PPP2R5C: variants seen among roughly 807,000 people sequenced by gnomAD.
PPP2R5C encodes the protein protein phosphatase 2 regulatory subunit B'gamma, also known as serine/threonine-protein phosphatase 2A 56 kDa regulatory subunit gamma isoform.
A neutral mutation model predicts 68.9 loss-of-function variants in PPP2R5C; 7 were observed. The ratio of observed to expected loss-of-function variants is 0.10; its 90% CI spans 0.06 to 0.19. PPP2R5C has a LOEUF of 0.19. Among genes scored for constraint, PPP2R5C ranks in the 10% least tolerant of loss-of-function variants. The pLI, the probability that PPP2R5C is intolerant of heterozygous loss-of-function variation, is 1.00. For synonymous variants in PPP2R5C, 210 were observed against 222.2 expected (o/e 0.95, Z 0.49); for missense variants, 348 against 641.3 (o/e 0.54, Z 4.94).
chr14:101,826,926 A>G (rs762790452), intron 1 of PPP2R5C, among the ~76,000 whole-genome samples: 1 of 140,158 alleles, frequency 7.1e-6, no homozygotes, highest in Non-Finnish European at 1.6e-5. Flanking sequence ...TGAATTTAGT[A>G]TTCTGTTTCA....
rs1471997241 is a variant in PPP2R5C at position 101,917,677 on chromosome 14, A to C, written c.1327-154A>C. On this transcript the variant is annotated intron_variant, in intron 12 of 13. Coordinates refer to ENST00000334743, the Ensembl canonical transcript of PPP2R5C. This position sits in a 1 kb window ranked among gnomAD's most constrained non-coding sequence, Gnocchi z 4.4. ...GGTTTCAGAAGTCAGCAGCCGCATC[A>C]TGTTGCAGGTGTAGGCGAGTCTCCC... The C allele has an allele frequency of 3.2e-6, 3 of 927,078 alleles. No individual in the cohort carries two copies. In the East Asian group the frequency reaches 7.5e-5, roughly 23 times the overall value. The allele number at this position is 927,078 out of a possible 1,614,324, so 57.4% of individuals were successfully genotyped here. A position where few individuals can be genotyped will look rare whatever the true frequency, so the allele number is the denominator to read the frequency against.
intron 2 of PPP2R5C, among the ~76,000 whole-genome samples, chr14:101,773,357 C>T (rs2037252982): frequency 6.6e-6 from 1 of 152,126 alleles, no homozygotes; most frequent in Non-Finnish European, 1.5e-5. Context: ...CTGGCAGCCC[C>T]TCTGCTGGAG....
At chr14:101,896,023 TTA>T (rs1467813166) in intron 8 of PPP2R5C, among the ~76,000 whole-genome samples, 1 of 152,104 alleles carries the variant, frequency 6.6e-6, no homozygotes, top group Non-Finnish European at 1.5e-5. Context: ...TTATTTTATT[TTA>T]TCTTATTTTT....
chr14:101,883,167 C>A, intron 3 of PPP2R5C, 90 bp from the exon 6 acceptor site: 1 of 883,116 alleles, frequency 1.1e-6, no homozygotes, highest in Non-Finnish European at 1.7e-6. Flanking sequence ...CTAATATTTG[C>A]ATACCAATAA....
intron 11 of PPP2R5C, 138 bp downstream of exon 13, chr14:101,909,828 T>G: frequency 2.0e-6 from 1 of 490,856 alleles, no homozygotes; most frequent in Non-Finnish European, 3.5e-6. Flanking sequence ...GAAAGCAAAT[T>G]AAAACTGTGT....
chr14:101,925,122 A>T lies in PPP2R5C; in HGVS notation c.1444-19A>T, dbSNP rs147467018. The T allele has an allele frequency of 1.5e-5, 24 of 1,613,364 alleles. No homozygotes were observed. The highest frequency in any genetic ancestry group is 1.9e-5 in the Non-Finnish European group (22 of 1,179,610). The stretch of plus-strand genomic sequence containing the variant: ...GATAGCTTAGTTTGTAGCCAACGCC[A>T]TTGCATTTCTAATTCCAGGCACAGA... On this transcript the variant is annotated intron_variant, in intron 13 of 13. Coordinates refer to ENST00000334743, the Ensembl canonical transcript of PPP2R5C.
At position 101,831,890 on chromosome 14, in the gene PPP2R5C, G is replaced by C. The variant is rs942600557; in HGVS notation, c.94+21854G>C. 3.7e-5 allele frequency: 22 copies of C among 600,974 alleles called. 1 individual carries two copies. In the South Asian group the frequency reaches 4.2e-4, roughly 11 times the overall value. 37.2% of individuals were successfully genotyped at this position (600,974 alleles called of 1,614,324 possible). A position where few individuals can be genotyped will look rare whatever the true frequency, so the allele number is the denominator to read the frequency against. ...TTGGCTTTAAAGTTGAGTTTAACTT[G>C]TCCAAAGACATTGTTATTTAAGCAG... On this transcript the variant is annotated intron_variant, in intron 1 of 13. Transcript: ENST00000334743.
At chr14:101,819,048 G>C in intron 1 of PPP2R5C, 2 of 1,551,588 alleles carry the variant, frequency 1.3e-6, no homozygotes, top group Non-Finnish European at 1.7e-6. Flanking sequence ...TTCTTCCTGA[G>C]TTGCTGGTTC....
chr14:101,788,806 A>G (rs995160203), intron 3 of PPP2R5C, among the ~76,000 whole-genome samples: 12 of 152,344 alleles, frequency 7.9e-5, no homozygotes, highest in African/African-American at 2.9e-4. Flanking sequence ...AATTAAAGTT[A>G]TATATTAATT....
At position 101,916,200 on chromosome 14, in the gene PPP2R5C, G is replaced by A. The variant is rs1027348727; in HGVS notation, c.1327-1631G>A. Among the ~76,000 whole-genome samples, 8 of 152,240 alleles carry A rather than the reference G, an allele frequency of 5.3e-5. No homozygotes were observed. Among genetic ancestry groups the A allele is most frequent in the Non-Finnish European group, 1.0e-4 (7 of 68,044 alleles). ...GGAGTGCTGGGGCTGTCGGGGTAGG[G>A]TGTGGAGATGTGTGGAGATCGTGGT... is the stretch of plus-strand genomic sequence containing the variant. On this transcript the variant is annotated intron_variant, in intron 12 of 13. Coordinates refer to ENST00000334743, the Ensembl canonical transcript of PPP2R5C. This position sits in a 1 kb window ranked among gnomAD's most constrained non-coding sequence, Gnocchi z 5.5.
chr14:101,889,531 T>C (rs2044725417), intron 5 of PPP2R5C, among the ~76,000 whole-genome samples: 1 of 152,206 alleles, frequency 6.6e-6, no homozygotes, highest in Admixed American at 6.5e-5. Flanking sequence ...TCCTTGGCCC[T>C]GTCTTTGCAG....
At position 101,891,591 on chromosome 14, in the gene PPP2R5C, G is replaced by A. The variant is rs111351723; in HGVS notation, c.689+1295G>A. ...CATGTGTTCCACAGCCCGCCATGCC[G>A]TGTGCGTAGGGCCCCCGTGTGCATA... On this transcript the variant is annotated intron_variant, in intron 6 of 13. Coordinates refer to ENST00000334743, the Ensembl canonical transcript of PPP2R5C. This position sits in a 1 kb window ranked among gnomAD's most constrained non-coding sequence, Gnocchi z 4.9. 0.018 allele frequency among the ~76,000 whole-genome samples: 2,680 copies of A among 152,246 alleles called. 40 individuals carry two copies. Among genetic ancestry groups the A allele is most frequent in the Middle Eastern group, 0.044 (13 of 294 alleles).
At chr14:101,799,468 G>A (rs1013757717) in intron 3 of PPP2R5C, among the ~76,000 whole-genome samples, 8 of 152,114 alleles carry the variant, frequency 5.3e-5, no homozygotes. Flanking sequence ...GGACCAGCGG[G>A]GATTTATTGA....
intron 1 of PPP2R5C, among the ~76,000 whole-genome samples, chr14:101,852,788 A>G (rs2042238254): frequency 6.6e-6 from 1 of 152,050 alleles, no homozygotes; most frequent in Non-Finnish European, 1.5e-5. Context: ...GCACATTCTT[A>G]TCTCCACCTT....
At chr14:101,822,228 A>G (rs1038504515) in intron 1 of PPP2R5C, among the ~76,000 whole-genome samples, 1 of 152,136 alleles carries the variant, frequency 6.6e-6, no homozygotes, top group Non-Finnish European at 1.5e-5. Context: ...GAATCTCCAA[A>G]TAAGTTACAT....
intron 13 of PPP2R5C, among the ~76,000 whole-genome samples, chr14:101,919,988 A>AAAC (rs2046926151): frequency 6.6e-6 from 1 of 151,628 alleles, no homozygotes; most frequent in Non-Finnish European, 1.5e-5. Context: ...AAAAAAAAAA[A>AAAC]AAAACCAATT....
Position 101,874,217 on chromosome 14 carries a change from A to C in PPP2R5C, c.295-7944A>C, listed in dbSNP as rs566800962. ...GTTTAGCTCTGAAACTTCCCTTCTC[A>C]GTTGATTTATATCACGTTGGATAGA... On this transcript the variant is annotated intron_variant, in intron 2 of 13. Coordinates refer to ENST00000334743, the Ensembl canonical transcript of PPP2R5C. Among the ~76,000 whole-genome samples the C allele has an allele frequency of 3.3e-3, 505 of 152,358 alleles. 12 individuals carry two copies. In the South Asian group the frequency reaches 0.05, roughly 15 times the overall value.
At chr14:101,912,652 T>C in intron 12 of PPP2R5C, 179 bp downstream of exon 14, 1 of 1,268,262 alleles carries the variant, frequency 7.9e-7, no homozygotes, top group Non-Finnish European at 1.0e-6. Flanking sequence ...GTACTTATTT[T>C]GCCCCATATC....
intron 2 of PPP2R5C, among the ~76,000 whole-genome samples, chr14:101,862,698 TAA>T (rs1178165259): frequency 1.3e-5 from 2 of 152,228 alleles, no homozygotes; most frequent in Non-Finnish European, 2.9e-5. Context: ...ATTTTTCTAT[TAA>T]AACAGACATT....
Sources: allele counts gnomAD v4.1 joint callset (sites outside exome capture counted in the v4.1 genomes callset), GRCh38; gene constraint gnomAD v4.1.1; non-coding constraint Gnocchi (gnomAD v3.1); transcripts MANE v1.5; gene names NCBI Gene and HGNC (gene_info 2026-07-23, HGNC 2026-07-21).